Variants in NRXN3 observed in about 807,000 individuals in gnomAD.
NRXN3 encodes neurexin 3, also known as neurexin III.
Under a neutral mutation model 137.6 loss-of-function variants are expected in NRXN3, and 32 were observed. The observed-to-expected ratio is 0.23, with a 90% CI of 0.18 to 0.31. The LOEUF (loss-of-function observed/expected upper bound fraction) is 0.31, where lower values mean the gene tolerates loss of function less well. Among genes scored for constraint, NRXN3 ranks in the 10% least tolerant of loss-of-function variants. The pLI is 1.00. For synonymous variants in NRXN3, 798 were observed against 784.5 expected, an observed-to-expected ratio of 1.02 and a Z score of -0.29; for missense variants, 1,574 against 2,062.5, an observed-to-expected ratio of 0.76 and a Z score of 4.59.
At chr14:78,392,128 G>T (rs929568737) in intron 4 of NRXN3, among the ~76,000 whole-genome samples, 7 of 152,132 alleles carry the variant, frequency 4.6e-5, no homozygotes, top group South Asian at 4.1e-4. Flanking sequence ...TGAGAAATGC[G>T]GTTTGATAAT....
At chr14:79,520,387 C>T (rs2097051818) in intron 16 of NRXN3, among the ~76,000 whole-genome samples, 1 of 152,106 alleles carries the variant, frequency 6.6e-6, no homozygotes, top group South Asian at 2.1e-4. Context: ...TGGTGGTTTG[C>T]TGCACCCATC....
At chr14:79,233,318 G>A (rs1038347323) in intron 15 of NRXN3, among the ~76,000 whole-genome samples, 39 of 152,100 alleles carry the variant, frequency 2.6e-4, no homozygotes, top group Non-Finnish European at 2.8e-4. Flanking sequence ...TGTGCGCAAC[G>A]TGCTGAATAT....
At chr14:79,231,904 G>A (rs932650880) in intron 15 of NRXN3, among the ~76,000 whole-genome samples, 1 of 152,036 alleles carries the variant, frequency 6.6e-6, no homozygotes, top group Non-Finnish European at 1.5e-5. Flanking sequence ...AGGTCTAGGG[G>A]GTGATAGGAG....
At chr14:78,633,960 C>A (rs907056419) in intron 4 of NRXN3, among the ~76,000 whole-genome samples, 4 of 152,230 alleles carry the variant, frequency 2.6e-5, no homozygotes, top group East Asian at 1.9e-4. Context: ...GCCCTCCCTC[C>A]CCCTGCAGGG....
intron 15 of NRXN3, among the ~76,000 whole-genome samples, chr14:79,095,577 C>T (rs1403838664): frequency 6.6e-6 from 1 of 151,372 alleles, no homozygotes; most frequent in African/African-American, 2.4e-5. Context: ...TTTTACCAGG[C>T]AATGCTTTAG....
intron 4 of NRXN3, among the ~76,000 whole-genome samples, chr14:78,519,440 A>G (rs2096256415): frequency 6.6e-6 from 1 of 152,196 alleles, no homozygotes; most frequent in Non-Finnish European, 1.5e-5. Flanking sequence ...GTGTTTATTT[A>G]GGAAGCATTT....
intron 1 of NRXN3, among the ~76,000 whole-genome samples, chr14:78,231,787 G>C (rs1481235223): frequency 6.6e-6 from 1 of 152,194 alleles, no homozygotes. Context: ...TACCATACTT[G>C]GCATAGCGCG....
chr14:79,390,699 G>C (rs373740062), intron 15 of NRXN3, among the ~76,000 whole-genome samples: 4 of 152,140 alleles, frequency 2.6e-5, no homozygotes, highest in East Asian at 3.9e-4. Context: ...GGTGTAACAT[G>C]TACTAAATCA....
chr14:79,294,598 T>G (rs1191700731), intron 15 of NRXN3, among the ~76,000 whole-genome samples: 1 of 152,140 alleles, frequency 6.6e-6, no homozygotes, highest in Non-Finnish European at 1.5e-5. Context: ...ATCCAAGTAT[T>G]AAGTGACAGA....
intron 4 of NRXN3, among the ~76,000 whole-genome samples, chr14:78,350,448 T>A (rs2083336853): frequency 6.6e-6 from 1 of 151,222 alleles, no homozygotes; most frequent in African/African-American, 2.4e-5. Flanking sequence ...CATGTAGGAG[T>A]TGGGGCTTTG....
At chr14:79,827,821 A>C (rs1325661499) in intron 20 of NRXN3, among the ~76,000 whole-genome samples, 1 of 150,970 alleles carries the variant, frequency 6.6e-6, no homozygotes, top group Non-Finnish European at 1.5e-5. Context: ...CAGCCTCCCC[A>C]GTAGCTGGGA....
intron 4 of NRXN3, among the ~76,000 whole-genome samples, chr14:78,522,324 G>A (rs67265735): frequency 0.37 from 55,605 of 151,922 alleles, 10,641 homozygotes; most frequent in Admixed American, 0.42. Context: ...ATATGTCAGA[G>A]CCATTAAATC....
intron 15 of NRXN3, among the ~76,000 whole-genome samples, chr14:79,323,470 A>G (rs1192035033): frequency 6.6e-6 from 1 of 152,214 alleles, no homozygotes; most frequent in Non-Finnish European, 1.5e-5. Context: ...AACACTTTGA[A>G]CCTGAAAGAG....
chr14:78,180,848 T>C (rs2059745745), intron 1 of NRXN3, among the ~76,000 whole-genome samples: 1 of 152,230 alleles, frequency 6.6e-6, no homozygotes. Context: ...GGGGTGTTTG[T>C]GGTGGTTGGA....
At chr14:78,189,309 G>A (rs948020692) in intron 1 of NRXN3, among the ~76,000 whole-genome samples, 2 of 152,154 alleles carry the variant, frequency 1.3e-5, no homozygotes, top group Admixed American at 6.5e-5. Flanking sequence ...CACTCAGCAG[G>A]CTGGAGTGAT....
At chr14:79,049,939 ACT>A (rs2099639504) in intron 15 of NRXN3, among the ~76,000 whole-genome samples, 1 of 151,910 alleles carries the variant, frequency 6.6e-6, no homozygotes, top group African/African-American at 2.4e-5. Flanking sequence ...CAGGAGTCTC[ACT>A]CTGTTTGTTA....
chr14:79,251,455 T>G (rs2075915461), intron 15 of NRXN3, among the ~76,000 whole-genome samples: 1 of 152,104 alleles, frequency 6.6e-6, no homozygotes, highest in South Asian at 2.1e-4. Context: ...ATGATGTCAT[T>G]AACTACAGTA....
At chr14:78,528,745 G>A (rs190479464) in intron 4 of NRXN3, among the ~76,000 whole-genome samples, 1 of 152,116 alleles carries the variant, frequency 6.6e-6, no homozygotes. Context: ...AGGCAGAGTC[G>A]TGCAAGTACA....
chr14:78,538,153 G>A (rs1230921075), intron 4 of NRXN3, among the ~76,000 whole-genome samples: 1 of 152,100 alleles, frequency 6.6e-6, no homozygotes, highest in Non-Finnish European at 1.5e-5. Context: ...TGAAGAAAGG[G>A]TCATTGGTAG....
Sources: allele counts gnomAD v4.1 joint callset (sites outside exome capture counted in the v4.1 genomes callset), GRCh38; gene constraint gnomAD v4.1.1; transcripts MANE v1.5; gene names NCBI Gene and HGNC (gene_info 2026-07-23, HGNC 2026-07-21).